SUGCT: variants seen among roughly 807,000 people sequenced by gnomAD.
SUGCT encodes the protein succinyl-CoA:glutarate CoA-transferase.
A neutral mutation model predicts 55.0 loss-of-function variants in SUGCT; 41 were observed. The ratio of observed to expected loss-of-function variants is 0.74; its 90% CI spans 0.58 to 0.97. SUGCT has a LOEUF of 0.97. SUGCT is among the 50% of genes least tolerant of loss of function. The pLI is 0.00. For synonymous variants in SUGCT, 187 were observed against 200.4 expected (o/e 0.93, Z 0.56); for missense variants, 568 against 547.8 (o/e 1.04, Z -0.37).
chr7:40,993,239 T>G, the SUGCT span, among the ~76,000 whole-genome samples: 6 of 152,126 alleles, frequency 3.9e-5, no homozygotes, highest in Non-Finnish European at 7.4e-5. Flanking sequence ...CTGAGAAGTC[T>G]TTCTACTACC....
chr7:40,833,972 A>G (rs558340173), intron 13 of SUGCT, among the ~76,000 whole-genome samples: 117 of 152,360 alleles, frequency 7.7e-4, no homozygotes, highest in Non-Finnish European at 1.3e-3. Context: ...GTGAAATGCT[A>G]GAGTTGCCCA....
intron 12 of SUGCT, among the ~76,000 whole-genome samples, chr7:40,497,329 A>G (rs1361509055): frequency 2.6e-5 from 4 of 152,198 alleles, no homozygotes; most frequent in African/African-American, 4.8e-5. Flanking sequence ...TTTATCTTAC[A>G]TGAATATCTG....
intron 13 of SUGCT, among the ~76,000 whole-genome samples, chr7:40,822,376 C>T (rs1472764570): frequency 3.9e-5 from 6 of 151,918 alleles, no homozygotes; most frequent in Non-Finnish European, 8.8e-5. Flanking sequence ...TTAAAGTCTC[C>T]CATTATTATT....
chr7:40,953,360 T>G, the SUGCT span, among the ~76,000 whole-genome samples: 1 of 152,202 alleles, frequency 6.6e-6, no homozygotes, highest in Non-Finnish European at 1.5e-5. Context: ...TGTCTCATCT[T>G]TTTTCAAGGT....
downstream of SUGCT, among the ~76,000 whole-genome samples, chr7:40,862,546 T>G (rs1046583752): frequency 6.6e-6 from 1 of 152,154 alleles, no homozygotes; most frequent in Non-Finnish European, 1.5e-5. Context: ...CGGGGCCTAT[T>G]ATCTTACACA....
At chr7:40,958,130 T>G in the SUGCT span, among the ~76,000 whole-genome samples, 9 of 152,128 alleles carry the variant, frequency 5.9e-5, no homozygotes, top group Non-Finnish European at 1.2e-4. Flanking sequence ...AATCTGACCA[T>G]TATGTGTCTT....
chr7:40,325,850 C>G (rs1350270708), intron 9 of SUGCT, among the ~76,000 whole-genome samples: 1 of 146,986 alleles, frequency 6.8e-6, no homozygotes, highest in Non-Finnish European at 1.5e-5. Flanking sequence ...AAACAAATTT[C>G]TTTTCTGACT....
At chr7:40,513,851 G>A (rs903303090) in intron 12 of SUGCT, among the ~76,000 whole-genome samples, 12 of 145,974 alleles carry the variant, frequency 8.2e-5, no homozygotes, top group South Asian at 2.2e-4. Flanking sequence ...GTGCGGTGGC[G>A]CGATCTCGGC....
At chr7:40,864,620 A>G (rs116540340), downstream of SUGCT, among the ~76,000 whole-genome samples, 1 of 152,228 alleles carries the variant, frequency 6.6e-6, no homozygotes, top group African/African-American at 2.4e-5. Context: ...ATGAATGCAA[A>G]TACTTGCACT....
chr7:40,199,508 G>C (rs1786472638), intron 6 of SUGCT, among the ~76,000 whole-genome samples: 1 of 152,184 alleles, frequency 6.6e-6, no homozygotes, highest in East Asian at 1.9e-4. Flanking sequence ...ATTTATATTT[G>C]TGAAGTGACC....
chr7:40,767,225 C>T (rs777654770), intron 13 of SUGCT, among the ~76,000 whole-genome samples: 6 of 152,050 alleles, frequency 3.9e-5, no homozygotes, highest in Non-Finnish European at 8.8e-5. Flanking sequence ...ACATAGGTGG[C>T]GTCTTCATAG....
intron 9 of SUGCT, among the ~76,000 whole-genome samples, chr7:40,356,640 A>G (rs1335748996): frequency 6.6e-6 from 1 of 152,344 alleles, no homozygotes; most frequent in East Asian, 1.9e-4. Context: ...AATTTGTCCA[A>G]GTCACCCTCT....
intron 8 of SUGCT, among the ~76,000 whole-genome samples, chr7:40,299,655 A>G (rs1794406221): frequency 6.6e-6 from 1 of 151,988 alleles, no homozygotes; most frequent in Non-Finnish European, 1.5e-5. Flanking sequence ...GGCCAAAAAA[A>G]AAAATTAATG....
intron 12 of SUGCT, among the ~76,000 whole-genome samples, chr7:40,662,330 G>A (rs897842823): frequency 2.0e-5 from 3 of 152,160 alleles, no homozygotes; most frequent in Non-Finnish European, 4.4e-5. Flanking sequence ...CACATCCTCT[G>A]TTCTCCTCCT....
intron 12 of SUGCT, among the ~76,000 whole-genome samples, chr7:40,521,547 G>T (rs1185393998): frequency 6.6e-6 from 1 of 152,088 alleles, no homozygotes; most frequent in African/African-American, 2.4e-5. Flanking sequence ...GAGAAACAGG[G>T]AATAGTGAAA....
chr7:40,593,380 A>G (rs1166541420), intron 12 of SUGCT, among the ~76,000 whole-genome samples: 2 of 152,200 alleles, frequency 1.3e-5, no homozygotes, highest in Non-Finnish European at 1.5e-5. Flanking sequence ...TGGTGATTTT[A>G]GGGGCAGTAG....
At chr7:40,905,589 T>C in the SUGCT span, among the ~76,000 whole-genome samples, 1 of 152,148 alleles carries the variant, frequency 6.6e-6, no homozygotes. Flanking sequence ...CAAATATCGG[T>C]CTCTCTCATT....
chr7:40,395,017 T>C lies in SUGCT; in HGVS notation c.817-54270T>C, dbSNP rs143234617. ...CACAAATTTGAATTCCTTATAATTTTTAAATGTTGTGAAATATTATTATTG... is the reference window on the plus strand; with the variant it reads ...CACAAATTTGAATTCCTTATAATTTCTAAATGTTGTGAAATATTATTATTG... On this transcript the variant is annotated intron_variant, in intron 9 of 13. Coordinates refer to ENST00000335693, the MANE Select transcript of SUGCT (RefSeq NM_001193313.2). 5.6e-3 allele frequency among the ~76,000 whole-genome samples: 855 copies of C among 152,352 alleles called. 10 individuals carry two copies. The highest frequency in any genetic ancestry group is 0.01 in the Admixed American group (154 of 15,302).
At chr7:40,637,065 G>A (rs111405006) in intron 12 of SUGCT, among the ~76,000 whole-genome samples, 1 of 152,152 alleles carries the variant, frequency 6.6e-6, no homozygotes, top group Non-Finnish European at 1.5e-5. Flanking sequence ...CAACCCGAAA[G>A]GGGAGCTACT....
Sources: allele counts gnomAD v4.1 joint callset (sites outside exome capture counted in the v4.1 genomes callset), GRCh38; gene constraint gnomAD v4.1.1; transcripts MANE v1.5; gene names NCBI Gene and HGNC (gene_info 2026-07-23, HGNC 2026-07-21).